MYT1L: variants seen among roughly 807,000 people sequenced by gnomAD.
MYT1L encodes the protein myelin transcription factor 1-like protein.
A neutral mutation model predicts 126.7 loss-of-function variants in MYT1L; 12 were observed. The observed-to-expected ratio is 0.09, with a 90% CI of 0.06 to 0.15. MYT1L has a LOEUF of 0.15. MYT1L is among the 10% of genes least tolerant of loss of function. The probability of loss-of-function intolerance (pLI) is 1.00; values close to 1 mark genes in which losing one functional copy is unlikely to be tolerated. For synonymous variants in MYT1L, 541 were observed against 604.2 expected, an observed-to-expected ratio of 0.90 and a Z score of 1.53; for missense variants, 979 against 1,585.2, an observed-to-expected ratio of 0.62 and a Z score of 6.49.
intron 1 of MYT1L, among the ~76,000 whole-genome samples, chr2:2,330,460 C>A (rs2096278174): frequency 6.6e-6 from 1 of 152,184 alleles, no homozygotes; most frequent in South Asian, 2.1e-4. Flanking sequence ...ATAACATTTT[C>A]TTTCATTATT....
chr2:2,021,712 A>G (rs1328161632), intron 4 of MYT1L, among the ~76,000 whole-genome samples: 1 of 152,180 alleles, frequency 6.6e-6, no homozygotes, highest in Admixed American at 6.5e-5. Context: ...CCTGGCTAAC[A>G]CGGTGAAACT....
At chr2:2,182,672 G>A (rs2091664970) in intron 2 of MYT1L, among the ~76,000 whole-genome samples, 1 of 152,180 alleles carries the variant, frequency 6.6e-6, no homozygotes, top group South Asian at 2.1e-4. Context: ...TAACCAGAAA[G>A]GCATGCTCTC....
At chr2:2,174,813 T>G (rs1382808721) in intron 2 of MYT1L, among the ~76,000 whole-genome samples, 1 of 152,136 alleles carries the variant, frequency 6.6e-6, no homozygotes, top group Admixed American at 6.5e-5. Flanking sequence ...GCAAGACCCA[T>G]CTCAGCCAAT....
chr2:2,104,730 C>A (rs2078536102), intron 3 of MYT1L, among the ~76,000 whole-genome samples: 2 of 152,218 alleles, frequency 1.3e-5, no homozygotes. Flanking sequence ...AAACACTCGC[C>A]CCTGCTTTAT....
In MYT1L at chr2:1,892,231, G is replaced by A; in HGVS notation, c.2089C>T (p.Pro697Ser). The change falls in exon 15 of 25, where the codon CCC (proline) becomes TCC (serine). Residue 697 changes from proline (P) to serine (S), a missense_variant. By Grantham distance (74) the Pro-to-Ser change is moderately conservative. This residue lies in a region of MYT1L where 57 missense variants were observed against 60.3 expected (regional missense o/e 0.94). Coordinates refer to ENST00000647738, the MANE Select transcript of MYT1L (RefSeq NM_001303052.2). ...PSSSSTSSYA[P>S]SSSSNLSCGG... ...CAGCTCAGGTTGCTGCTGCTGCTGG[G>A]CGCGTAGCTGCTGGTGCTGCTGCTG... is the stretch of plus-strand genomic sequence containing the variant. The A allele has an allele frequency of 6.5e-7, 1 of 1,549,994 alleles. No individual in the cohort carries two copies. Among genetic ancestry groups the A allele is most frequent in the Middle Eastern group, 1.8e-4 (1 of 5,690 alleles).
intron 4 of MYT1L, among the ~76,000 whole-genome samples, chr2:2,042,326 G>A (rs2067648165): frequency 6.6e-6 from 1 of 152,160 alleles, no homozygotes; most frequent in South Asian, 2.1e-4. Flanking sequence ...TTGTTAGGGA[G>A]TTGTCCCACC....
intron 19 of MYT1L, chr2:1,842,757 C>T (rs540143781): frequency 1.5e-4 from 23 of 155,054 alleles, no homozygotes; most frequent in Non-Finnish European, 3.1e-4. Flanking sequence ...ACTCATCGTC[C>T]ACGTCACCAA....
At chr2:2,146,364 C>A (rs1360791909) in intron 3 of MYT1L, among the ~76,000 whole-genome samples, 1 of 152,108 alleles carries the variant, frequency 6.6e-6, no homozygotes, top group Non-Finnish European at 1.5e-5. Context: ...GTGAGTGTGG[C>A]ACAAGGGCCT....
intron 3 of MYT1L, among the ~76,000 whole-genome samples, chr2:2,124,663 ATTCT>A (rs1382000558): frequency 6.6e-6 from 1 of 152,176 alleles, no homozygotes; most frequent in African/African-American, 2.4e-5. Context: ...TATCTCATTG[ATTCT>A]TTCTTAAGAC....
At chr2:2,122,836 A>AAT (rs1430489250) in intron 3 of MYT1L, among the ~76,000 whole-genome samples, 1 of 116,148 alleles carries the variant, frequency 8.6e-6, no homozygotes, top group Non-Finnish European at 1.8e-5. Flanking sequence ...GGAGGATAGG[A>AAT]ATGTGTGTGT....
chr2:2,033,157 C>A (rs2066564530), intron 4 of MYT1L, among the ~76,000 whole-genome samples: 1 of 146,438 alleles, frequency 6.8e-6, no homozygotes, highest in South Asian at 2.2e-4. Context: ...CACCCTGTGG[C>A]CCAGAGCAGA....
rs568481912 is a variant in MYT1L, at chr2:2,259,750, G to A, written c.-421+24654C>T. Among the ~76,000 whole-genome samples the A allele has an allele frequency of 2.6e-3, 389 of 152,232 alleles. 1 individual carries two copies. The highest frequency in any genetic ancestry group is 9.0e-3 in the African/African-American group (375 of 41,540). On this transcript the variant is annotated intron_variant, in intron 2 of 24. Transcript: ENST00000647738. ...ATGTCAAGGTACGGGTCATCCCGAC[G>A]GCAGATGGGCTTCAGGATTGGGAAT...
intron 21 of MYT1L, chr2:1,826,106 G>C (rs1270126625): frequency 6.6e-6 from 1 of 152,332 alleles, no homozygotes; most frequent in Non-Finnish European, 1.5e-5. Context: ...CTGTGAGTTG[G>C]ACTGTGAGCT....
At chr2:2,316,561 C>T (rs1250712107) in intron 1 of MYT1L, among the ~76,000 whole-genome samples, 1 of 152,220 alleles carries the variant, frequency 6.6e-6, no homozygotes, top group African/African-American at 2.4e-5. Flanking sequence ...GTTAGGAAGA[C>T]TCATGTAGTC....
At chr2:2,148,024 G>A (rs949216232) in intron 3 of MYT1L, among the ~76,000 whole-genome samples, 2 of 152,192 alleles carry the variant, frequency 1.3e-5, no homozygotes, top group Non-Finnish European at 2.9e-5. Context: ...GGAGATTGGC[G>A]AGAGGCCGCC....
At chr2:2,123,702 T>C (rs978690952) in intron 3 of MYT1L, among the ~76,000 whole-genome samples, 5 of 152,182 alleles carry the variant, frequency 3.3e-5, no homozygotes, top group Non-Finnish European at 5.9e-5. Flanking sequence ...ATTAACCCTC[T>C]TTTCTTTATA....
intron 8 of MYT1L, among the ~76,000 whole-genome samples, chr2:1,961,772 G>A (rs1378149418): frequency 6.6e-6 from 1 of 152,196 alleles, no homozygotes; most frequent in Admixed American, 6.5e-5. Context: ...GCAATGAAGT[G>A]AACACTGCAA....
chr2:2,193,595 A>G (rs2092685784), intron 2 of MYT1L, among the ~76,000 whole-genome samples: 1 of 152,228 alleles, frequency 6.6e-6, no homozygotes, highest in Non-Finnish European at 1.5e-5. Flanking sequence ...AACTTCAACC[A>G]TACAATCTAT....
At chr2:2,315,725 G>T (rs921659030) in intron 1 of MYT1L, among the ~76,000 whole-genome samples, 2 of 152,288 alleles carry the variant, frequency 1.3e-5, no homozygotes, top group South Asian at 2.1e-4. Context: ...TCTTCCAAAA[G>T]TATGAGTTTT....
Sources: allele counts gnomAD v4.1 joint callset (sites outside exome capture counted in the v4.1 genomes callset), GRCh38; gene constraint gnomAD v4.1.1; regional missense constraint gnomAD v4.1.1; transcripts MANE v1.5; gene names NCBI Gene and HGNC (gene_info 2026-07-23, HGNC 2026-07-21).